The following PAK6 variants were observed in gnomAD, a reference collection of about 807,000 sequenced individuals.
PAK6 encodes the protein serine/threonine-protein kinase PAK 6.
A neutral mutation model predicts 60.8 loss-of-function variants in PAK6; 33 were observed. The ratio of observed to expected loss-of-function variants is 0.54; its 90% CI spans 0.41 to 0.73. The LOEUF (loss-of-function observed/expected upper bound fraction) is 0.73, where lower values mean the gene tolerates loss of function less well. Ranked by LOEUF, PAK6 falls within the 30% of genes least tolerant of loss-of-function variation. The pLI is 0.00. For missense variants in PAK6, 845 were observed against 904.1 expected, an observed-to-expected ratio of 0.93 and a Z score of 0.84; for synonymous variants, 404 against 378.5, an observed-to-expected ratio of 1.07 and a Z score of -0.78.
In PAK6 at chr15:40,265,836, C is replaced by T; in HGVS notation, c.205-6C>T. ...TCCCACACACTCTTTTCTCTTCCCCCTACAGACAGTGGTGCGGGGCAGCGC... is the reference window on the plus strand; with the variant it reads ...TCCCACACACTCTTTTCTCTTCCCCTTACAGACAGTGGTGCGGGGCAGCGC... On this transcript the variant is annotated splice_polypyrimidine_tract_variant and splice_region_variant and intron_variant, in intron 4 of 10. Coordinates refer to ENST00000560346, the Ensembl canonical transcript of PAK6. The T allele has an allele frequency of 6.6e-7, 1 of 1,516,188 alleles. No homozygotes were observed. Among genetic ancestry groups the T allele is most frequent in the Non-Finnish European group, 8.8e-7 (1 of 1,130,548 alleles). The allele number at this position is 1,516,188 out of a possible 1,614,324, so 93.9% of individuals were successfully genotyped here.
chr15:40,260,670 C>T (rs955514405), intron 3 of PAK6, among the ~76,000 whole-genome samples: 38 of 152,136 alleles, frequency 2.5e-4, no homozygotes, highest in Admixed American at 1.4e-3. Flanking sequence ...TCAATTTCTA[C>T]CAAAGGAAAT....
chr15:40,274,845 C>T (rs1230161443), intron 10 of PAK6, among the ~76,000 whole-genome samples: 3 of 152,220 alleles, frequency 2.0e-5, no homozygotes, highest in African/African-American at 7.2e-5. Context: ...ACTGTGGACG[C>T]CCCCTGCTGG....
exon 11 of PAK6, chr15:40,275,971 G>C: frequency 6.2e-7 from 1 of 1,613,298 alleles, no homozygotes; most frequent in Admixed American, 1.7e-5. Context: ...TGCTGGTGCG[G>C]GACCCCCAAG....
chr15:40,275,000 G>A (rs1394640087), intron 10 of PAK6, among the ~76,000 whole-genome samples: 1 of 152,134 alleles, frequency 6.6e-6, no homozygotes, highest in Non-Finnish European at 1.5e-5. Context: ...AGGACCAACA[G>A]GAAACATCTT....
At chr15:40,265,339 CAGG>C (rs968996489) in intron 4 of PAK6, among the ~76,000 whole-genome samples, 1 of 152,196 alleles carries the variant, frequency 6.6e-6, no homozygotes, top group Non-Finnish European at 1.5e-5. Flanking sequence ...TCTCCCAGAC[CAGG>C]AGAATTTTAG....
chr15:40,273,369 CTG>C lies in PAK6; in HGVS notation c.1521_1522del (p.Cys507Ter). On this transcript the variant is annotated frameshift_variant, in exon 8 of 11. Coordinates refer to ENST00000560346, the Ensembl canonical transcript of PAK6. LOFTEE classifies it high-confidence loss of function. ...AGGCTGAATGAGGAGCAGATTGCCA[CTG>C]TGTGTGAGGCTGTGCTGCAGGCCCT... is the stretch of plus-strand genomic sequence containing the variant. 1 of 1,613,956 alleles carries C rather than the reference CTG, an allele frequency of 6.2e-7. No homozygotes were observed. The highest frequency in any genetic ancestry group is 8.5e-7 in the Non-Finnish European group (1 of 1,179,978).
chr15:40,272,780 C>A lies in PAK6; in HGVS notation c.1356+59C>A. The A allele has an allele frequency of 1.9e-6, 3 of 1,581,142 alleles. No individual in the cohort carries two copies. In the South Asian group the frequency reaches 3.5e-5, roughly 18 times the overall value. ...TTGGGGATGGGCAGTGAGCAGCCAG[C>A]CAGGCTGGACATCTGTGAGCAGGGG... is the stretch of plus-strand genomic sequence containing the variant. On this transcript the variant is annotated intron_variant, in intron 6 of 10. Coordinates refer to ENST00000560346, the Ensembl canonical transcript of PAK6.
At chr15:40,264,562 T>C (rs1423301851) in intron 3 of PAK6, 4 of 630,282 alleles carry the variant, frequency 6.3e-6, no homozygotes, top group Non-Finnish European at 1.1e-5. Context: ...GTTTATAGTC[T>C]GCACTGGCTT....
At chr15:40,272,182 G>T in intron 5 of PAK6, 42 bp from the exon 6 acceptor site, 2 of 1,564,102 alleles carry the variant, frequency 1.3e-6, no homozygotes, top group Non-Finnish European at 1.7e-6. Context: ...TATTCCAAAT[G>T]CTCCCACAGC....
exon 9 of PAK6, chr15:40,273,584 A>C: frequency 6.2e-7 from 1 of 1,614,008 alleles, no homozygotes; most frequent in Non-Finnish European, 8.5e-7. Flanking sequence ...CTGTGCTCAG[A>C]TCAGCAAAGA....
In PAK6 at chr15:40,273,652, C is replaced by T. The variant is rs1165157168; in HGVS notation, c.1719C>T (p.Ile573=). The T allele has an allele frequency of 1.9e-6, 3 of 1,613,956 alleles. No individual in the cohort carries two copies. In the African/African-American group the frequency reaches 4.0e-5, roughly 22 times the overall value. The change falls in exon 9 of 11, where the codon ATC becomes ATT. Residue 573 remains isoleucine (I), a synonymous_variant. Coordinates refer to ENST00000560346, the Ensembl canonical transcript of PAK6. ...CCTACTGGATGGCTCCTGAAGTGATCTCCAGGTCTTTGTATGCCACTGAGG... is the reference window on the plus strand; with the variant it reads ...CCTACTGGATGGCTCCTGAAGTGATTTCCAGGTCTTTGTATGCCACTGAGG...
At chr15:40,268,083 C>T (rs7183062) in intron 5 of PAK6, among the ~76,000 whole-genome samples, 149,952 of 152,320 alleles carry the variant, frequency 0.98, 73,855 homozygotes, top group East Asian at 1. Context: ...CTGGGTATGC[C>T]GGGATGTCCC....
At chr15:40,269,654 C>G (rs566219097) in intron 5 of PAK6, among the ~76,000 whole-genome samples, 1 of 152,148 alleles carries the variant, frequency 6.6e-6, no homozygotes, top group African/African-American at 2.4e-5. Flanking sequence ...GTGAAGCCAA[C>G]GAAAGGATGC....
chr15:40,274,421 C>A, intron 10 of PAK6, 145 bp downstream of exon 10: 1 of 860,128 alleles, frequency 1.2e-6, no homozygotes, highest in South Asian at 1.8e-5. Flanking sequence ...CCACACAAAA[C>A]CCGCACCTGG....
intron 2 of PAK6, 190 bp from the exon 3 acceptor site, chr15:40,252,973 CCGCCCCGGAAGCGGT>C (rs1484260634): frequency 3.1e-6 from 2 of 646,656 alleles, no homozygotes; most frequent in Non-Finnish European, 4.3e-6. Flanking sequence ...TGGAGAGGGG[CCGCCCCGGAAGCGGT>C]GCTGCGCCCA....
At chr15:40,273,586 C>G (rs199802493) in exon 9 of PAK6, 1 of 1,614,070 alleles carries the variant, frequency 6.2e-7, no homozygotes, top group East Asian at 2.2e-5. Context: ...GTGCTCAGAT[C>G]AGCAAAGACG....
chr15:40,273,670 C>T (rs2039372696), exon 9 of PAK6: 1 of 1,613,852 alleles, frequency 6.2e-7, no homozygotes, highest in Non-Finnish European at 8.5e-7. Flanking sequence ...CTTTGTATGC[C>T]ACTGAGGTAA....
chr15:40,272,115 G>A (rs1445679503), intron 5 of PAK6, 109 bp from the exon 6 acceptor site: 13 of 1,244,474 alleles, frequency 1.0e-5, no homozygotes, highest in African/African-American at 9.0e-5. Flanking sequence ...CTGATACCCC[G>A]CCTGACCCTG....
chr15:40,274,508 G>C (rs914757094), intron 10 of PAK6, among the ~76,000 whole-genome samples: 1 of 152,254 alleles, frequency 6.6e-6, no homozygotes. Flanking sequence ...CAGGAGAGTT[G>C]CTGCTTGGCA....
Sources: allele counts gnomAD v4.1 joint callset (sites outside exome capture counted in the v4.1 genomes callset), GRCh38; gene constraint gnomAD v4.1.1; transcripts MANE v1.5; gene names NCBI Gene and HGNC (gene_info 2026-07-23, HGNC 2026-07-21).